CENPW: variants seen among roughly 807,000 people sequenced by gnomAD.
CENPW encodes centromere protein W.
In CENPW, 3 loss-of-function variants were observed where a neutral mutation model predicts 11.1. That is an observed-to-expected ratio of 0.27 (90% CI 0.12 to 0.70). The LOEUF (loss-of-function observed/expected upper bound fraction) is 0.70, where lower values mean the gene tolerates loss of function less well. Ranked by LOEUF, CENPW falls within the 30% of genes least tolerant of loss-of-function variation. The pLI is 0.77. For missense variants in CENPW, 100 were observed against 105.6 expected, an observed-to-expected ratio of 0.95 and a Z score of 0.23; for synonymous variants, 38 against 42.0, an observed-to-expected ratio of 0.91 and a Z score of 0.37.
At chr6:126,472,644 T>C in the CENPW span, among the ~76,000 whole-genome samples, 1 of 152,228 alleles carries the variant, frequency 6.6e-6, no homozygotes, top group Non-Finnish European at 1.5e-5. Flanking sequence ...ATAGATTTCC[T>C]TTTCTCTTTG....
the CENPW span, among the ~76,000 whole-genome samples, chr6:126,468,549 TTTAA>T: frequency 4.8e-4 from 73 of 151,974 alleles, no homozygotes; most frequent in African/African-American, 1.6e-3. Context: ...AATTATGGGT[TTTAA>T]TTAGTGATAA....
intron 1 of CENPW, among the ~76,000 whole-genome samples, chr6:126,345,505 G>A (rs190095621): frequency 6.6e-6 from 1 of 151,992 alleles, no homozygotes; most frequent in African/African-American, 2.4e-5. Context: ...CGGTTTCCGT[G>A]TATCCTTTAC....
chr6:126,363,417 T>C, the CENPW span, among the ~76,000 whole-genome samples: 1 of 152,232 alleles, frequency 6.6e-6, no homozygotes, highest in African/African-American at 2.4e-5. Context: ...ATGTCCACAA[T>C]TAGTTGGACC....
At chr6:126,351,876 T>C (rs1780494915), downstream of CENPW, among the ~76,000 whole-genome samples, 1 of 152,144 alleles carries the variant, frequency 6.6e-6, no homozygotes, top group Non-Finnish European at 1.5e-5. Context: ...TATTTTAATC[T>C]TGACAATCAA....
At chr6:126,465,529 T>C in the CENPW span, among the ~76,000 whole-genome samples, 1 of 152,084 alleles carries the variant, frequency 6.6e-6, no homozygotes, top group African/African-American at 2.4e-5. Flanking sequence ...ACAAGCTGAT[T>C]ATAAAACTCA....
chr6:126,397,917 G>A, the CENPW span, among the ~76,000 whole-genome samples: 1 of 151,698 alleles, frequency 6.6e-6, no homozygotes, highest in South Asian at 2.1e-4. Flanking sequence ...TTTTTTCTTT[G>A]TAGATAAAAG....
chr6:126,410,665 A>T, the CENPW span, among the ~76,000 whole-genome samples: 1 of 151,478 alleles, frequency 6.6e-6, no homozygotes, highest in Non-Finnish European at 1.5e-5. Context: ...ATGTCCTGTA[A>T]GTCTTGTTGG....
At position 126,340,146 on chromosome 6, in the gene CENPW, CTGAG is replaced by C; in HGVS notation, c.-127_-124del. 1 of 866,174 alleles carries C rather than the reference CTGAG, an allele frequency of 1.2e-6. No homozygotes were observed. Among genetic ancestry groups the C allele is most frequent in the Admixed American group, 2.2e-5 (1 of 46,290 alleles). 53.7% of individuals were successfully genotyped at this position (866,174 alleles called of 1,614,324 possible). On this transcript the variant is annotated 5_prime_UTR_variant, in exon 1 of 3. Transcript: ENST00000368328. The stretch of plus-strand genomic sequence containing the variant: ...TTGGCGGCGGATTCGAACGTTCGGA[CTGAG>C]GTTTTTCTGCCTGAAGAAGCGTCAT...
chr6:126,462,754 G>A, the CENPW span, among the ~76,000 whole-genome samples: 5 of 151,776 alleles, frequency 3.3e-5, 1 homozygote, highest in South Asian at 4.2e-4. Context: ...ATATATACAG[G>A]CATTGGTGTC....
chr6:126,400,776 A>G, the CENPW span, among the ~76,000 whole-genome samples: 5 of 152,000 alleles, frequency 3.3e-5, no homozygotes, highest in Non-Finnish European at 5.9e-5. Flanking sequence ...TGACCTATAT[A>G]TGAGTTTACT....
the CENPW span, among the ~76,000 whole-genome samples, chr6:126,458,103 A>T: frequency 6.6e-6 from 1 of 151,180 alleles, no homozygotes; most frequent in African/African-American, 2.4e-5. Flanking sequence ...AATGATAATC[A>T]TTTCCTTGGG....
the CENPW span, among the ~76,000 whole-genome samples, chr6:126,384,838 A>G: frequency 6.6e-6 from 1 of 152,182 alleles, no homozygotes; most frequent in Non-Finnish European, 1.5e-5. Flanking sequence ...GACAACCTAC[A>G]GAATGAAAAA....
At position 126,346,206 on chromosome 6, in the gene CENPW, T is replaced by C. The variant is rs1237240851; in HGVS notation, c.128T>C (p.Val43Ala). Reference protein sequence around the residue: ...LRLEKSGDLLVHLNCLLFVHR... With the variant: ...LRLEKSGDLLAHLNCLLFVHR... Reference sequence around the variant, plus strand: ...CCACTTGGATTTTCTGTTTTAAAGGTCCATCTGAACTGTTTACTGTTTGTT... The same window carrying C: ...CCACTTGGATTTTCTGTTTTAAAGGCCCATCTGAACTGTTTACTGTTTGTT... The change falls in exon 2 of 3, where the codon GTC (valine) becomes GCC (alanine). Residue 43 changes from valine to alanine, a missense_variant and splice_region_variant. Coordinates refer to ENST00000368328, the MANE Select transcript of CENPW (RefSeq NM_001012507.4). 1.3e-6 allele frequency: 2 copies of C among 1,557,982 alleles called. No homozygotes were observed. Among genetic ancestry groups the C allele is most frequent in the Admixed American group, 3.5e-5 (2 of 56,952 alleles).
the CENPW span, among the ~76,000 whole-genome samples, chr6:126,441,847 C>T: frequency 6.6e-5 from 10 of 151,568 alleles, no homozygotes; most frequent in African/African-American, 2.4e-4. Flanking sequence ...TTTATCCACT[C>T]ATTGATTAAT....
the CENPW span, among the ~76,000 whole-genome samples, chr6:126,382,839 G>A: frequency 6.6e-6 from 1 of 152,250 alleles, no homozygotes; most frequent in Admixed American, 6.5e-5. Context: ...TGAAGAGAAT[G>A]GAAGCAACTT....
the CENPW span, among the ~76,000 whole-genome samples, chr6:126,374,125 C>G: frequency 6.6e-6 from 1 of 152,106 alleles, no homozygotes; most frequent in East Asian, 1.9e-4. Flanking sequence ...TTGGGAAGAA[C>G]AGCATATGCA....
At chr6:126,395,688 A>T in the CENPW span, among the ~76,000 whole-genome samples, 16 of 152,054 alleles carry the variant, frequency 1.1e-4, no homozygotes, top group African/African-American at 3.9e-4. Context: ...TCTTGGGAAG[A>T]CTTTCCAGGT....
chr6:126,474,749 C>G, the CENPW span, among the ~76,000 whole-genome samples: 1 of 152,286 alleles, frequency 6.6e-6, no homozygotes, highest in East Asian at 1.9e-4. Flanking sequence ...GTTTTACACT[C>G]AACTCACCTG....
chr6:126,431,550 C>A, the CENPW span, among the ~76,000 whole-genome samples: 1 of 152,222 alleles, frequency 6.6e-6, no homozygotes, highest in African/African-American at 2.4e-5. Flanking sequence ...TTCTTTACCC[C>A]CTGCTTCACA....
Sources: gnomAD v4.1 joint callset for allele counts (sites outside exome capture counted in the v4.1 genomes callset) on GRCh38, gnomAD v4.1.1 for gene constraint, MANE v1.5 for transcripts, NCBI Gene and HGNC (gene_info 2026-07-23, HGNC 2026-07-21) for gene names.